Variants in CATSPERT observed in about 807,000 individuals in gnomAD.
The protein encoded by CATSPERT is cation channel sperm-associated targeting subunit tau.
At chr2:201,525,117 C>T in the CATSPERT span, among the ~76,000 whole-genome samples, 3 of 152,118 alleles carry the variant, frequency 2.0e-5, no homozygotes, top group Non-Finnish European at 4.4e-5. Context: ...GTGGACCTAA[C>T]GGACATCTAC....
the CATSPERT span, chr2:201,582,323 CA>C: frequency 9.1e-7 from 1 of 1,096,576 alleles, no homozygotes. Flanking sequence ...TATTATTATG[CA>C]AATACTATTG....
the CATSPERT span, chr2:201,492,577 G>T: frequency 6.5e-7 from 1 of 1,531,148 alleles, no homozygotes; most frequent in Non-Finnish European, 8.7e-7. Flanking sequence ...TATAGTCTCA[G>T]ATGCTGTCTC....
the CATSPERT span, among the ~76,000 whole-genome samples, chr2:201,571,299 C>T: frequency 1.1e-4 from 16 of 152,154 alleles, no homozygotes; most frequent in Non-Finnish European, 2.4e-4. Context: ...CACAATTTCC[C>T]GTTCAACACC....
chr2:201,575,706 G>C, the CATSPERT span, among the ~76,000 whole-genome samples: 11 of 152,282 alleles, frequency 7.2e-5, no homozygotes, highest in African/African-American at 2.4e-4. Context: ...CTGTCTAGTT[G>C]CAGGAAACCA....
the CATSPERT span, among the ~76,000 whole-genome samples, chr2:201,599,169 T>C: frequency 1.3e-5 from 2 of 152,136 alleles, no homozygotes; most frequent in Non-Finnish European, 2.9e-5. Flanking sequence ...AAATTCTTTT[T>C]TCAATGACAG....
At chr2:201,531,784 C>A in the CATSPERT span, among the ~76,000 whole-genome samples, 7 of 152,160 alleles carry the variant, frequency 4.6e-5, no homozygotes, top group Admixed American at 2.6e-4. Flanking sequence ...GTGGCTGAAG[C>A]AGAGTGAACA....
the CATSPERT span, among the ~76,000 whole-genome samples, chr2:201,594,940 G>A: frequency 3.3e-5 from 5 of 152,116 alleles, no homozygotes; most frequent in African/African-American, 4.8e-5. Flanking sequence ...CCCGTAGCTC[G>A]GAGTAATTTG....
At chr2:201,494,352 G>T in the CATSPERT span, 1 of 1,536,702 alleles carries the variant, frequency 6.5e-7, no homozygotes, top group Non-Finnish European at 8.7e-7. Context: ...CTATATGGGG[G>T]GTAAAATTTA....
At chr2:201,572,185 G>T in the CATSPERT span, among the ~76,000 whole-genome samples, 1 of 152,264 alleles carries the variant, frequency 6.6e-6, no homozygotes, top group East Asian at 1.9e-4. Flanking sequence ...GAGGAAAGAA[G>T]ACACTAACAT....
At chr2:201,520,199 A>C in the CATSPERT span, among the ~76,000 whole-genome samples, 1 of 152,232 alleles carries the variant, frequency 6.6e-6, no homozygotes, top group East Asian at 1.9e-4. Flanking sequence ...AAAGAGAGGG[A>C]TAGGCTCCAA....
chr2:201,496,531 C>T, the CATSPERT span, among the ~76,000 whole-genome samples: 3 of 152,024 alleles, frequency 2.0e-5, no homozygotes, highest in South Asian at 2.1e-4. Flanking sequence ...TTTGTAGAGA[C>T]GGGGTTTTGC....
the CATSPERT span, among the ~76,000 whole-genome samples, chr2:201,562,848 A>G: frequency 0.48 from 59,089 of 121,962 alleles, 14,173 homozygotes; most frequent in Non-Finnish European, 0.54. Context: ...TCACAGATCA[A>G]CAGGATCCCA....
At chr2:201,491,150 C>G in the CATSPERT span, 1 of 1,507,040 alleles carries the variant, frequency 6.6e-7, no homozygotes, top group Non-Finnish European at 8.8e-7. Flanking sequence ...AAGTAGAAGA[C>G]TTAGAAAAAC....
the CATSPERT span, among the ~76,000 whole-genome samples, chr2:201,560,456 TAATAATAATAATAAC>T: frequency 5.5e-4 from 22 of 40,038 alleles, no homozygotes; most frequent in African/African-American, 1.6e-3. Context: ...ATAATAATAA[TAATAATAATAATAAC>T]AACAACAACA....
chr2:201,508,554 C>T, the CATSPERT span, among the ~76,000 whole-genome samples: 1 of 152,174 alleles, frequency 6.6e-6, no homozygotes, highest in Admixed American at 6.5e-5. Context: ...CATTGTTGTG[C>T]AACAGATCTC....
the CATSPERT span, chr2:201,487,903 C>A: frequency 1.3e-6 from 2 of 1,566,220 alleles, no homozygotes; most frequent in South Asian, 1.2e-5. Context: ...CTGAACAATC[C>A]TAAATAATAA....
At chr2:201,592,747 A>C in the CATSPERT span, among the ~76,000 whole-genome samples, 1 of 152,186 alleles carries the variant, frequency 6.6e-6, no homozygotes, top group African/African-American at 2.4e-5. Context: ...CATTTCTTCT[A>C]GATTTTCTAG....
chr2:201,545,356 G>T, the CATSPERT span, among the ~76,000 whole-genome samples: 72,254 of 151,726 alleles, frequency 0.48, 17,623 homozygotes, highest in East Asian at 0.75. Flanking sequence ...TTTAAAACTC[G>T]TAATAGGGTC....
chr2:201,491,433 A>G, the CATSPERT span: 3 of 1,537,146 alleles, frequency 2.0e-6, no homozygotes, highest in Non-Finnish European at 2.6e-6. Flanking sequence ...GGAACTTGGC[A>G]CATTTTTCAC....
Sources: allele counts gnomAD v4.1 joint callset (sites outside exome capture counted in the v4.1 genomes callset), GRCh38; gene constraint gnomAD v4.1.1; transcripts MANE v1.5; gene names NCBI Gene and HGNC (gene_info 2026-07-23, HGNC 2026-07-21).